Variants in EXOC6B observed in about 807,000 individuals in gnomAD.
The protein encoded by EXOC6B is exocyst complex component 6B.
EXOC6B carries 54 observed loss-of-function variants against 113.5 expected under a neutral mutation model. The observed-to-expected ratio is 0.48, with a 90% confidence interval of 0.38 to 0.60. EXOC6B has a LOEUF of 0.60. Among genes scored for constraint, EXOC6B ranks in the 20% least tolerant of loss-of-function variants. EXOC6B has a pLI of 0.00. For missense variants in EXOC6B, 797 were observed against 977.5 expected, an observed-to-expected ratio of 0.82 and a Z score of 2.46; for synonymous variants, 357 against 339.0, an observed-to-expected ratio of 1.05 and a Z score of -0.58.
intron 6 of EXOC6B, among the ~76,000 whole-genome samples, chr2:72,675,008 T>C (rs888749780): frequency 6.6e-6 from 1 of 152,234 alleles, no homozygotes; most frequent in African/African-American, 2.4e-5. Context: ...TTTAGGCTAA[T>C]ACTAAACTTT....
At chr2:72,358,661 G>T (rs950781601) in intron 19 of EXOC6B, among the ~76,000 whole-genome samples, 5 of 152,134 alleles carry the variant, frequency 3.3e-5, no homozygotes, top group Non-Finnish European at 7.4e-5. Context: ...TATTACCTAA[G>T]ATTTTAATTA....
At chr2:72,379,233 T>G (rs1270144687) in intron 19 of EXOC6B, among the ~76,000 whole-genome samples, 2 of 152,194 alleles carry the variant, frequency 1.3e-5, no homozygotes, top group East Asian at 3.9e-4. Flanking sequence ...TGACTGCCTT[T>G]GAGAAAAATA....
intron 19 of EXOC6B, among the ~76,000 whole-genome samples, chr2:72,360,565 G>C (rs1690249275): frequency 6.6e-6 from 1 of 152,236 alleles, no homozygotes; most frequent in African/African-American, 2.4e-5. Context: ...AAGAAATTGA[G>C]GAATATGAGC....
intron 1 of EXOC6B, among the ~76,000 whole-genome samples, chr2:72,818,072 A>T (rs1455758873): frequency 6.6e-6 from 1 of 152,040 alleles, no homozygotes; most frequent in Admixed American, 6.5e-5. Context: ...CCTGGGTTCA[A>T]GTGATTCTCC....
chr2:72,526,615 C>G (rs191350808), intron 8 of EXOC6B, among the ~76,000 whole-genome samples: 93 of 151,956 alleles, frequency 6.1e-4, no homozygotes, highest in African/African-American at 2.1e-3. Context: ...CTTCACTCCC[C>G]TCATTAACAG....
chr2:72,459,630 T>C (rs559575561), intron 18 of EXOC6B, among the ~76,000 whole-genome samples: 12 of 152,188 alleles, frequency 7.9e-5, no homozygotes, highest in Non-Finnish European at 1.6e-4. Flanking sequence ...ATAAAATACC[T>C]AGGAATCCAA....
chr2:72,819,280 AGTG>A (rs1686452834), intron 1 of EXOC6B, among the ~76,000 whole-genome samples: 2 of 152,234 alleles, frequency 1.3e-5, no homozygotes, highest in South Asian at 2.1e-4. Flanking sequence ...AAAATATAAA[AGTG>A]GTGGAAAGGT....
intron 6 of EXOC6B, among the ~76,000 whole-genome samples, chr2:72,631,521 G>A (rs1672468959): frequency 9.0e-6 from 1 of 110,812 alleles, no homozygotes; most frequent in African/African-American, 3.3e-5. Context: ...GAGAGAGAGA[G>A]AAAGACAAGG....
At chr2:72,704,705 C>T (rs1489853941) in intron 6 of EXOC6B, among the ~76,000 whole-genome samples, 11 of 151,040 alleles carry the variant, frequency 7.3e-5, no homozygotes, top group Non-Finnish European at 1.3e-4. Flanking sequence ...AACACCTCTA[C>T]GCAAATAAAC....
Position 72,368,653 on chromosome 2 carries a change from A to G in EXOC6B, c.2122+11076T>C, listed in dbSNP as rs548979252. 4.6e-5 allele frequency among the ~76,000 whole-genome samples: 7 copies of G among 152,322 alleles called. No individual in the cohort carries two copies. The South Asian group carries it at 1.4e-3, about 32-fold the overall frequency. On this transcript the variant is annotated intron_variant, in intron 19 of 21. Coordinates refer to ENST00000272427, the MANE Select transcript of EXOC6B (RefSeq NM_015189.3). The stretch of plus-strand genomic sequence containing the variant: ...AAACCAAATCCAGCAGCACATCAAA[A>G]AGCTTATCTACCACAATCAAGTGGG...
intron 20 of EXOC6B, among the ~76,000 whole-genome samples, chr2:72,300,619 A>C (rs1440162577): frequency 6.6e-6 from 1 of 152,196 alleles, no homozygotes; most frequent in Non-Finnish European, 1.5e-5. Context: ...ATGGTTGCCC[A>C]GTTTTGTGCT....
Position 72,176,175 on chromosome 2 carries a change from T to C in EXOC6B, c.*3160A>G, listed in dbSNP as rs906573485. 2.0e-5 allele frequency: 3 copies of C among 152,028 alleles called. No homozygotes were observed. Among genetic ancestry groups the C allele is most frequent in the African/African-American group, 7.2e-5 (3 of 41,388 alleles). 9.4% of individuals were successfully genotyped at this position (152,028 alleles called of 1,614,324 possible). ...TAGAGTTAAAAATGGACTTTCCTAA[T>C]TTTCTCTATATATGTGCAACTATCT... On this transcript the variant is annotated 3_prime_UTR_variant, in exon 22 of 22. Coordinates refer to ENST00000272427, the MANE Select transcript of EXOC6B (RefSeq NM_015189.3).
intron 1 of EXOC6B, among the ~76,000 whole-genome samples, chr2:72,814,295 G>A (rs973515226): frequency 1.3e-5 from 2 of 152,182 alleles, no homozygotes; most frequent in South Asian, 2.1e-4. Context: ...CACTGGAAGC[G>A]TCTAAATACT....
At chr2:72,581,758 C>T (rs1705238180) in intron 6 of EXOC6B, among the ~76,000 whole-genome samples, 1 of 152,152 alleles carries the variant, frequency 6.6e-6, no homozygotes, top group Non-Finnish European at 1.5e-5. Context: ...TACCTCTGGG[C>T]ACTTGGTGGC....
chr2:72,412,093 T>C (rs1694222229), intron 18 of EXOC6B, among the ~76,000 whole-genome samples: 2 of 151,992 alleles, frequency 1.3e-5, no homozygotes, highest in African/African-American at 4.8e-5. Context: ...AAACAGTAGA[T>C]TGGACTAGAA....
rs987440502 is a variant in EXOC6B, at chr2:72,435,094, T to C, written c.1980+30066A>G. ...TGCTTTGGCTGTGTCCCAGAGATTC[T>C]GGTACGTTGTGTCTTTGTTCTCATT... is the stretch of plus-strand genomic sequence containing the variant. On this transcript the variant is annotated intron_variant, in intron 18 of 21. Transcript: ENST00000272427. Among the ~76,000 whole-genome samples the C allele has an allele frequency of 2.6e-5, 4 of 152,348 alleles. No individual in the cohort carries two copies. The East Asian group carries it at 5.8e-4, about 22-fold the overall frequency.
chr2:72,725,753 T>C (rs780127105), intron 5 of EXOC6B, among the ~76,000 whole-genome samples: 1 of 152,142 alleles, frequency 6.6e-6, no homozygotes, highest in Non-Finnish European at 1.5e-5. Context: ...TATGCTGCTG[T>C]TGGGAAGATA....
chr2:72,410,907 G>A (rs1224812392), intron 18 of EXOC6B, among the ~76,000 whole-genome samples: 1 of 152,156 alleles, frequency 6.6e-6, no homozygotes, highest in East Asian at 1.9e-4. Flanking sequence ...ACTGAGCTGA[G>A]ATAAAACATA....
chr2:72,733,496 T>G (rs1680770250), intron 2 of EXOC6B, among the ~76,000 whole-genome samples: 1 of 152,184 alleles, frequency 6.6e-6, no homozygotes, highest in Non-Finnish European at 1.5e-5. Context: ...CCTAGAAAAG[T>G]TGGGTATACA....
Sources: gnomAD v4.1 joint callset for allele counts (sites outside exome capture counted in the v4.1 genomes callset) on GRCh38, gnomAD v4.1.1 for gene constraint, MANE v1.5 for transcripts, NCBI Gene and HGNC (gene_info 2026-07-23, HGNC 2026-07-21) for gene names.